The following PLEKHA6 variants were observed in gnomAD, a reference collection of about 807,000 sequenced individuals.
The protein encoded by PLEKHA6 is pleckstrin homology domain-containing family A member 6.
A neutral mutation model predicts 116.7 loss-of-function variants in PLEKHA6; 60 were observed. The observed-to-expected ratio is 0.51, with a 90% CI of 0.42 to 0.64. PLEKHA6 has a LOEUF of 0.64. Ranked by LOEUF, PLEKHA6 falls within the 30% of genes least tolerant of loss-of-function variation. The pLI, the probability that PLEKHA6 is intolerant of heterozygous loss-of-function variation, is 0.00. For missense variants in PLEKHA6, 1,338 were observed against 1,422.7 expected, an observed-to-expected ratio of 0.94 and a Z score of 0.96; for synonymous variants, 489 against 556.1, an observed-to-expected ratio of 0.88 and a Z score of 1.70.
At chr1:204,339,452 G>A (rs2103307656) in intron 1 of PLEKHA6, among the ~76,000 whole-genome samples, 1 of 152,296 alleles carries the variant, frequency 6.6e-6, no homozygotes, top group East Asian at 1.9e-4. Flanking sequence ...ATTGGGGCAA[G>A]GATCATACTC....
At position 204,272,480 on chromosome 1, in the gene PLEKHA6, TCA is replaced by T. The variant is rs1472142552; in HGVS notation, c.102+1144_102+1145del. Among the ~76,000 whole-genome samples, 9 of 152,338 alleles carry T rather than the reference TCA, an allele frequency of 5.9e-5. No homozygotes were observed. The East Asian group carries it at 1.7e-3, about 29-fold the overall frequency. The stretch of plus-strand genomic sequence containing the variant: ...CCATTCCCTACCCTTCCATTTCCCA[TCA>T]CAGTCAAGTGTCTTTAAAAACACTT... On this transcript the variant is annotated intron_variant, in intron 3 of 22. Coordinates refer to ENST00000272203, the MANE Select transcript of PLEKHA6 (RefSeq NM_014935.5).
upstream of PLEKHA6, among the ~76,000 whole-genome samples, chr1:204,360,329 C>T (rs947389569): frequency 9.9e-5 from 15 of 152,148 alleles, no homozygotes; most frequent in South Asian, 4.1e-4. Context: ...GAGAGGGGCA[C>T]GTCTCTAGGT....
At chr1:204,255,702 A>G in intron 9 of PLEKHA6, 1 of 702,832 alleles carries the variant, frequency 1.4e-6, no homozygotes, top group Non-Finnish European at 2.6e-6. Flanking sequence ...CGAGGCCCAG[A>G]GGCCAAACAG....
At position 204,261,176 on chromosome 1, in the gene PLEKHA6, G is replaced by A. The variant is rs1050089219; in HGVS notation, c.524+130C>T. On this transcript the variant is annotated intron_variant, in intron 7 of 22. Coordinates refer to ENST00000272203, the MANE Select transcript of PLEKHA6 (RefSeq NM_014935.5). This position sits in a 1 kb window ranked among gnomAD's most constrained non-coding sequence, Gnocchi z 4.0. ...GCCAGGCCTCCCGCCTGGATGCAAG[G>A]AGACGGCTCACACATTCTCCAGGGC... 1.1e-4 allele frequency: 119 copies of A among 1,109,520 alleles called. No individual in the cohort carries two copies. In the Admixed American group the frequency reaches 2.2e-3, roughly 20 times the overall value. 68.7% of individuals were successfully genotyped at this position (1,109,520 alleles called of 1,614,324 possible).
intron 1 of PLEKHA6, among the ~76,000 whole-genome samples, chr1:204,297,452 C>A (rs931109300): frequency 6.6e-6 from 1 of 152,132 alleles, no homozygotes; most frequent in Non-Finnish European, 1.5e-5. Context: ...TCCTGTTCAC[C>A]TGGGGTAGAA....
intron 1 of PLEKHA6, chr1:204,309,199 G>T: frequency 4.2e-6 from 1 of 239,786 alleles, no homozygotes; most frequent in Non-Finnish European, 6.8e-6. Flanking sequence ...CTCCCTGCAG[G>T]TCTCCCCCGC....
At chr1:204,334,760 G>A (rs533649421) in intron 1 of PLEKHA6, among the ~76,000 whole-genome samples, 2 of 152,098 alleles carry the variant, frequency 1.3e-5, no homozygotes, top group South Asian at 2.1e-4. Flanking sequence ...TTAGCCGGGC[G>A]CGGTAGTGCA....
chr1:204,257,896 A>G lies in PLEKHA6; in HGVS notation c.1008-27T>C, dbSNP rs773775758. ...TGAGAGAGAGGGGACATTGTAATGA[A>G]GGCAGACAACACGGGCACCCCTCCA... On this transcript the variant is annotated intron_variant, in intron 8 of 22. Transcript: ENST00000272203. This position sits in a 1 kb window ranked among gnomAD's most constrained non-coding sequence, Gnocchi z 6.5. 37 of 1,578,504 alleles carry G rather than the reference A, an allele frequency of 2.3e-5. 2 individuals carry two copies. The South Asian group carries it at 4.1e-4, about 17-fold the overall frequency.
At chr1:204,284,243 G>A (rs996709298) in intron 1 of PLEKHA6, among the ~76,000 whole-genome samples, 8 of 152,184 alleles carry the variant, frequency 5.3e-5, no homozygotes, top group African/African-American at 1.4e-4. Flanking sequence ...TGGCTGGAGG[G>A]TAGCACAGCA....
chr1:204,342,732 T>G (rs560640105), intron 1 of PLEKHA6, among the ~76,000 whole-genome samples: 1 of 152,192 alleles, frequency 6.6e-6, no homozygotes, highest in African/African-American at 2.4e-5. Flanking sequence ...TCTTTTCCCC[T>G]ATAGCCTGGG....
intron 9 of PLEKHA6, among the ~76,000 whole-genome samples, chr1:204,251,867 G>C (rs1329023608): frequency 6.6e-6 from 1 of 152,176 alleles, no homozygotes; most frequent in East Asian, 1.9e-4. Context: ...CTGGGGCCTG[G>C]TGACTCTTCC....
chr1:204,298,413 G>A (rs4362039), intron 1 of PLEKHA6, among the ~76,000 whole-genome samples: 142,279 of 152,294 alleles, frequency 0.93, 66,455 homozygotes, highest in Admixed American at 0.96. Context: ...TACTAAAAGG[G>A]TAGAGTGGTA....
intron 1 of PLEKHA6, among the ~76,000 whole-genome samples, chr1:204,314,097 A>T (rs1671763851): frequency 6.6e-6 from 1 of 152,130 alleles, no homozygotes; most frequent in South Asian, 2.1e-4. Flanking sequence ...CTTCTGAGGG[A>T]TGTCCTCTTA....
chr1:204,245,366 C>T (rs1321709597), intron 14 of PLEKHA6, among the ~76,000 whole-genome samples: 4 of 152,044 alleles, frequency 2.6e-5, no homozygotes, highest in African/African-American at 4.8e-5. Context: ...TGCTTTTGAC[C>T]TTTTCTGGGG....
intron 1 of PLEKHA6, among the ~76,000 whole-genome samples, chr1:204,347,916 G>GTC (rs1673124595): frequency 1.3e-5 from 2 of 152,042 alleles, no homozygotes; most frequent in African/African-American, 4.8e-5. Context: ...TGAAGCACTG[G>GTC]GCATGCTCTC....
intron 1 of PLEKHA6, among the ~76,000 whole-genome samples, chr1:204,298,113 G>A (rs758980549): frequency 1.3e-5 from 2 of 152,214 alleles, no homozygotes; most frequent in East Asian, 1.9e-4. Flanking sequence ...GGTTCACTTC[G>A]ATGAAGAGCA....
intron 1 of PLEKHA6, among the ~76,000 whole-genome samples, chr1:204,320,047 C>T (rs530989368): frequency 4.6e-5 from 7 of 152,186 alleles, no homozygotes; most frequent in African/African-American, 1.7e-4. Flanking sequence ...AGCAGAGTGG[C>T]CTTTCAGCCA....
chr1:204,277,264 C>T lies in PLEKHA6; in HGVS notation c.-94-2455G>A, dbSNP rs1223633308. Among the ~76,000 whole-genome samples the T allele has an allele frequency of 1.3e-5, 2 of 152,116 alleles. No individual in the cohort carries two copies. Among genetic ancestry groups the T allele is most frequent in the African/African-American group, 4.8e-5 (2 of 41,402 alleles). ...GGGGTCGCCTAGGTGCCCTAGTAGG[C>T]CTGTGGCTTCCTGGTATTCGGCCAG... On this transcript the variant is annotated intron_variant, in intron 1 of 22. Coordinates refer to ENST00000272203, the MANE Select transcript of PLEKHA6 (RefSeq NM_014935.5). This position sits in a 1 kb window ranked among gnomAD's most constrained non-coding sequence, Gnocchi z 4.1.
intron 1 of PLEKHA6, among the ~76,000 whole-genome samples, chr1:204,331,827 G>A (rs1016081309): frequency 6.3e-5 from 9 of 142,894 alleles, no homozygotes; most frequent in Non-Finnish European, 1.1e-4. Context: ...TGTCCCCCCC[G>A]GGTCCCAAAG....
Sources: allele counts gnomAD v4.1 joint callset (sites outside exome capture counted in the v4.1 genomes callset), GRCh38; gene constraint gnomAD v4.1.1; non-coding constraint Gnocchi (gnomAD v3.1); transcripts MANE v1.5; gene names NCBI Gene and HGNC (gene_info 2026-07-23, HGNC 2026-07-21).